ZEB2: variants seen among roughly 807,000 people sequenced by gnomAD.
ZEB2 encodes the protein zinc finger E-box-binding homeobox 2.
ZEB2 carries 6 observed loss-of-function variants against 99.9 expected under a neutral mutation model. The observed-to-expected ratio is 0.06, with a 90% confidence interval of 0.03 to 0.12. The LOEUF is 0.12. Ranked by LOEUF, ZEB2 falls within the 10% of genes least tolerant of loss-of-function variation. The probability of loss-of-function intolerance (pLI) is 1.00; values close to 1 mark genes in which losing one functional copy is unlikely to be tolerated. For synonymous variants in ZEB2, 517 were observed against 542.5 expected, an observed-to-expected ratio of 0.95 and a Z score of 0.65; for missense variants, 969 against 1,502.8, an observed-to-expected ratio of 0.64 and a Z score of 5.87.
intron 2 of ZEB2, among the ~76,000 whole-genome samples, chr2:144,497,512 C>CT (rs1292320141): frequency 2.6e-5 from 4 of 151,918 alleles, no homozygotes; most frequent in African/African-American, 7.3e-5. Flanking sequence ...GAAAATTTTT[C>CT]TTTTTTTACA....
intron 4 of ZEB2, among the ~76,000 whole-genome samples, chr2:144,410,332 G>T (rs1254257851): frequency 6.6e-6 from 1 of 152,156 alleles, no homozygotes; most frequent in African/African-American, 2.4e-5. Flanking sequence ...TTGGCAATAT[G>T]TTGGCCACTC....
At chr2:144,429,070 C>T (rs987973728) in intron 3 of ZEB2, 2 of 152,224 alleles carry the variant, frequency 1.3e-5, no homozygotes, top group Non-Finnish European at 2.9e-5. Flanking sequence ...GAATTTTAGA[C>T]CAAGACATTT....
At chr2:144,451,844 G>T (rs1449511156) in intron 2 of ZEB2, among the ~76,000 whole-genome samples, 2 of 152,178 alleles carry the variant, frequency 1.3e-5, no homozygotes, top group African/African-American at 4.8e-5. Flanking sequence ...ACATCGGTAC[G>T]CATGCCTATT....
At chr2:144,424,199 A>C (rs1472870058) in intron 4 of ZEB2, 4 of 348,456 alleles carry the variant, frequency 1.1e-5, no homozygotes, top group African/African-American at 4.3e-5. Context: ...GTATCTTCCC[A>C]CTGTAATTTT....
chr2:144,384,943 A>G lies in ZEB2; in HGVS notation c.*4508T>C, dbSNP rs1368380750. 2 of 152,184 alleles carry G rather than the reference A, an allele frequency of 1.3e-5. No individual in the cohort carries two copies. The highest frequency in any genetic ancestry group is 4.8e-5 in the African/African-American group (2 of 41,446). 9.4% of individuals were successfully genotyped at this position (152,184 alleles called of 1,614,324 possible). A position where few individuals can be genotyped will look rare whatever the true frequency, so the allele number is the denominator to read the frequency against. On this transcript the variant is annotated 3_prime_UTR_variant, in exon 10 of 10. Coordinates refer to ENST00000627532, the MANE Select transcript of ZEB2 (RefSeq NM_014795.4). ...CCATTTTAGTATATTAGGTTATGTC[A>G]GTACATACTTAAGAGAGGCATAAAT...
At position 144,389,642 on chromosome 2, in the gene ZEB2, C is replaced by G. The variant is rs1480636573; in HGVS notation, c.3454G>C (p.Gly1152Arg). 1.9e-6 allele frequency: 3 copies of G among 1,613,950 alleles called. No homozygotes were observed. Among genetic ancestry groups the G allele is most frequent in the Non-Finnish European group, 2.5e-6 (3 of 1,180,022 alleles). ...AACTCCTCGTCGCCATCCTGTCTGCCCAGCTTCCCGTAGCCATCCTCGCCT... is the reference window on the plus strand; with the variant it reads ...AACTCCTCGTCGCCATCCTGTCTGCGCAGCTTCCCGTAGCCATCCTCGCCT... ...KEGEDGYGKL[G>R]RQDGDEEFEE... Residue 1152 changes from glycine to arginine, a missense_variant, in exon 10 of 10, where the codon GGC becomes CGC. Physicochemically the swap from Gly to Arg is moderately radical, Grantham distance 125. Coordinates refer to ENST00000627532, the MANE Select transcript of ZEB2 (RefSeq NM_014795.4). This position sits in a 1 kb window ranked among gnomAD's most constrained non-coding sequence, Gnocchi z 6.8.
rs1347547135 is a variant in ZEB2 at position 144,497,901 on chromosome 2, C to A, written c.73+19377G>T. On this transcript the variant is annotated intron_variant, in intron 2 of 9. Coordinates refer to ENST00000627532, the MANE Select transcript of ZEB2 (RefSeq NM_014795.4). ...TCTCAACATATATATATATGTCATT[C>A]TCAACATATATATTATATATTATAT... 1.5e-3 allele frequency: 8 copies of A among 5,408 alleles called. 1 individual carries two copies. The highest frequency in any genetic ancestry group is 6.1e-3 in the South Asian group (1 of 164). 0.3% of individuals were successfully genotyped at this position (5,408 alleles called of 1,614,324 possible).
rs778117704 is a variant in ZEB2 at position 144,400,221 on chromosome 2, A to G, written c.966T>C (p.Ser322=). 16 of 1,613,258 alleles carry G rather than the reference A, an allele frequency of 9.9e-6. No homozygotes were observed. The highest frequency in any genetic ancestry group is 1.3e-5 in the Non-Finnish European group (15 of 1,180,028). The change falls in exon 8 of 10, where the codon TCT becomes TCC. Residue 322 remains serine (S), a synonymous_variant. Coordinates refer to ENST00000627532, the MANE Select transcript of ZEB2 (RefSeq NM_014795.4). ...CPNCKKRFSH[S]GSYSSHISSK... is the part of the protein sequence containing the mutation. ...TGCTGATGTGCGAACTGTAGGAACC[A>G]GAATGGGAGAAACGTTTCTTGCAGT...
At chr2:144,517,460 C>T in intron 1 of ZEB2, 41 bp from the exon 2 acceptor site, 1 of 1,391,700 alleles carries the variant, frequency 7.2e-7, no homozygotes, top group Non-Finnish European at 1.0e-6. Context: ...ATCGCCCGCG[C>T]CCATTGAAAC....
chr2:144,512,781 T>C (rs1016666856), intron 2 of ZEB2: 4 of 1,287,204 alleles, frequency 3.1e-6, no homozygotes, highest in Non-Finnish European at 3.0e-6. Context: ...CCTAGATACA[T>C]AGCCCCCAGC....
In ZEB2 at chr2:144,399,738, A is replaced by T. The variant is rs529081888; in HGVS notation, c.1449T>A (p.Ile483=). Residue 483 remains isoleucine (I), a synonymous_variant, in exon 8 of 10, where the codon ATT becomes ATA. Transcript: ENST00000627532. The surrounding 1 kb of genome is among the most constrained non-coding windows in gnomAD (Gnocchi z 5.6). ...TCATGTGATAACCTTTCAACTTTGAAATTTCTTCAGCCTTGCAGTCCATTT... is the reference window on the plus strand; with the variant it reads ...TCATGTGATAACCTTTCAACTTTGATATTTCTTCAGCCTTGCAGTCCATTT... ...RQKMDCKAEE[I]SKLKGYHMKD... 1 of 1,613,844 alleles carries T rather than the reference A, an allele frequency of 6.2e-7. No individual in the cohort carries two copies. Among genetic ancestry groups the T allele is most frequent in the East Asian group, 2.2e-5 (1 of 44,880 alleles).
chr2:144,424,030 C>T (rs1406948174), intron 4 of ZEB2, among the ~76,000 whole-genome samples: 4 of 151,980 alleles, frequency 2.6e-5, no homozygotes, highest in East Asian at 3.8e-4. Context: ...AATAAATAGT[C>T]TCATCTAGGA....
chr2:144,398,403 C>T lies in ZEB2; in HGVS notation c.2784G>A (p.Gln928=), dbSNP rs759817961. 3.5e-5 allele frequency: 57 copies of T among 1,613,978 alleles called. No homozygotes were observed. The highest frequency in any genetic ancestry group is 4.7e-5 in the Non-Finnish European group (56 of 1,180,006). ...PGLRPYPGLD[Q]MSFLPHMAYT... The stretch of plus-strand genomic sequence containing the variant: ...AGGCCATATGTGGTAGGAAGCTCAT[C>T]TGATCCAGTCCTGGGTATGGTCGTA... Residue 928 remains glutamine, a synonymous_variant, in exon 8 of 10, where the codon CAG becomes CAA. Transcript: ENST00000627532.
At chr2:144,503,570 C>G (rs1323664994) in intron 2 of ZEB2, 2 of 152,104 alleles carry the variant, frequency 1.3e-5, no homozygotes, top group East Asian at 3.9e-4. Context: ...AGTAAAAACA[C>G]CAGCCCCCTC....
Position 144,400,110 on chromosome 2 carries a change from A to T in ZEB2, c.1077T>A (p.Ser359=). The T allele has an allele frequency of 6.2e-7, 1 of 1,614,002 alleles. No individual in the cohort carries two copies. Among genetic ancestry groups the T allele is most frequent in the Middle Eastern group, 1.7e-4 (1 of 6,060 alleles). ...KTGSSPNSVS[S]SPTNSAITQL... is the part of the protein sequence containing the mutation. ...GGGTAATGGCTGAATTAGTAGGAGA[A>T]GAAGAAACAGAATTAGGGGAAGAAC... is the stretch of plus-strand genomic sequence containing the variant. The change falls in exon 8 of 10, where the codon TCT becomes TCA. Residue 359 remains serine (S), a synonymous_variant. Transcript: ENST00000627532.
chr2:144,487,942 C>T (rs912463537), intron 2 of ZEB2, among the ~76,000 whole-genome samples: 1 of 152,122 alleles, frequency 6.6e-6, no homozygotes, highest in Non-Finnish European at 1.5e-5. Flanking sequence ...ATGCTGTTTT[C>T]CATTAAATCA....
intron 2 of ZEB2, among the ~76,000 whole-genome samples, chr2:144,502,614 A>G (rs953050247): frequency 6.6e-6 from 1 of 152,208 alleles, no homozygotes; most frequent in African/African-American, 2.4e-5. Flanking sequence ...ACACTTGAAG[A>G]AAACCTGAAG....
chr2:144,454,797 G>A (rs1704099544), intron 2 of ZEB2, among the ~76,000 whole-genome samples: 1 of 152,108 alleles, frequency 6.6e-6, no homozygotes, highest in South Asian at 2.1e-4. Context: ...GATTTTCAAA[G>A]TTGGGAGAGA....
chr2:144,500,255 C>A (rs1704849093), intron 2 of ZEB2, among the ~76,000 whole-genome samples: 2 of 152,184 alleles, frequency 1.3e-5, no homozygotes, highest in South Asian at 4.1e-4. Context: ...CATTTAATCA[C>A]AATTTTAATT....
Sources: allele counts gnomAD v4.1 joint callset (sites outside exome capture counted in the v4.1 genomes callset), GRCh38; gene constraint gnomAD v4.1.1; non-coding constraint Gnocchi (gnomAD v3.1); transcripts MANE v1.5; gene names NCBI Gene and HGNC (gene_info 2026-07-23, HGNC 2026-07-21).